ANK2: variants seen among roughly 807,000 people sequenced by gnomAD.
ANK2 encodes the protein ankyrin 2, also known as ankyrin-2.
A neutral mutation model predicts 360.5 loss-of-function variants in ANK2; 83 were observed. The ratio of observed to expected loss-of-function variants is 0.23; its 90% CI spans 0.19 to 0.28. The LOEUF (loss-of-function observed/expected upper bound fraction) is 0.28. Among genes scored for constraint, ANK2 ranks in the 10% least tolerant of loss-of-function variants. The probability of loss-of-function intolerance (pLI) is 1.00; values close to 1 mark genes in which losing one functional copy is unlikely to be tolerated. For synonymous variants in ANK2, 1,740 were observed against 1,759.5 expected (o/e 0.99, Z 0.28); for missense variants, 4,201 against 4,795.7 (o/e 0.88, Z 3.66).
At chr4:113,338,488 A>G (rs1188109224) in intron 31 of ANK2, among the ~76,000 whole-genome samples, 2 of 152,018 alleles carry the variant, frequency 1.3e-5, no homozygotes, top group Non-Finnish European at 2.9e-5. Context: ...AACTTTTTTG[A>G]AAACAATTTC....
intron 45 of ANK2, 75 bp from the exon 46 acceptor site, chr4:113,381,382 T>C: frequency 6.6e-7 from 1 of 1,519,318 alleles, no homozygotes; most frequent in Non-Finnish European, 9.1e-7. Flanking sequence ...CTCAGTGTAA[T>C]GGTCACCTTC....
chr4:113,061,160 C>A (rs1197928089), intron 1 of ANK2, among the ~76,000 whole-genome samples: 1 of 152,004 alleles, frequency 6.6e-6, no homozygotes, highest in Non-Finnish European at 1.5e-5. Context: ...CCATCTGGAA[C>A]CTTGGTACCT....
rs900360100 is a variant in ANK2, at chr4:113,265,174, C to T, written c.1485+179C>T. ...ACATTATTTAAGCAATTACACACGA[C>T]GAAAAATGCACCCAAATTTCAGAAA... On this transcript the variant is annotated intron_variant, in intron 14 of 45. Coordinates refer to ENST00000357077, the MANE Select transcript of ANK2 (RefSeq NM_001148.6). 9.9e-5 allele frequency among the ~76,000 whole-genome samples: 15 copies of T among 151,928 alleles called. 1 individual carries two copies. In the South Asian group the frequency reaches 1.0e-3, roughly 11 times the overall value.
chr4:112,790,484 C>CTT, the ANK2 span, among the ~76,000 whole-genome samples: 16 of 113,722 alleles, frequency 1.4e-4, no homozygotes, highest in Non-Finnish European at 2.3e-4. Flanking sequence ...CTTTTCTTTT[C>CTT]TTTTTTTTTT....
At chr4:113,304,452 T>C (rs971982017) in intron 23 of ANK2, among the ~76,000 whole-genome samples, 1 of 152,218 alleles carries the variant, frequency 6.6e-6, no homozygotes, top group South Asian at 2.1e-4. Flanking sequence ...TGGATTTTAT[T>C]AACTTAGAAG....
intron 31 of ANK2, among the ~76,000 whole-genome samples, chr4:113,337,610 T>C (rs1293041597): frequency 6.6e-6 from 1 of 152,210 alleles, no homozygotes; most frequent in Non-Finnish European, 1.5e-5. Context: ...AATTATTATT[T>C]TCATTTCTCT....
At chr4:112,834,185 A>G (rs1579312929) in intron 1 of ANK2, among the ~76,000 whole-genome samples, 1 of 152,242 alleles carries the variant, frequency 6.6e-6, no homozygotes, top group South Asian at 2.1e-4. Context: ...CAATGCATAT[A>G]TCAATATTTT....
chr4:112,890,069 A>G (rs1286304120), intron 1 of ANK2, among the ~76,000 whole-genome samples: 1 of 152,224 alleles, frequency 6.6e-6, no homozygotes, highest in Non-Finnish European at 1.5e-5. Flanking sequence ...GTAAACAATT[A>G]AACAGGCTTA....
chr4:113,216,013 T>C (rs2099081392), intron 4 of ANK2, among the ~76,000 whole-genome samples: 1 of 152,156 alleles, frequency 6.6e-6, no homozygotes, highest in African/African-American at 2.4e-5. Context: ...ATTATCTGCT[T>C]AGAAAGAGCC....
At chr4:112,751,393 TA>T in the ANK2 span, among the ~76,000 whole-genome samples, 1 of 152,198 alleles carries the variant, frequency 6.6e-6, no homozygotes, top group Non-Finnish European at 1.5e-5. Context: ...AGCCATTAAC[TA>T]GCTAAAGGAC....
chr4:113,169,336 T>C (rs896376761), intron 1 of ANK2, among the ~76,000 whole-genome samples: 4 of 152,196 alleles, frequency 2.6e-5, no homozygotes, highest in Admixed American at 1.3e-4. Flanking sequence ...ACCTAAAAAA[T>C]TGTAAAAATG....
intron 1 of ANK2, among the ~76,000 whole-genome samples, chr4:112,860,429 G>T (rs766136512): frequency 2.6e-5 from 4 of 152,028 alleles, no homozygotes; most frequent in African/African-American, 9.7e-5. Context: ...GTTTCACCAT[G>T]TTGGTCAGGC....
Position 113,282,890 on chromosome 4 carries a change from G to C in ANK2, c.2079+18G>C. 6.2e-7 allele frequency: 1 copy of C among 1,613,218 alleles called. No homozygotes were observed. The highest frequency in any genetic ancestry group is 8.5e-7 in the Non-Finnish European group (1 of 1,179,354). On this transcript the variant is annotated intron_variant, in intron 18 of 45. Transcript: ENST00000357077. ...CAACTAAGGTATTCTGTCCTTTCTT[G>C]CATCAATCAAGAGTGTTTTGGATGC...
chr4:113,172,586 T>TA (rs1231133990), intron 1 of ANK2, among the ~76,000 whole-genome samples: 1 of 152,178 alleles, frequency 6.6e-6, no homozygotes, highest in Non-Finnish European at 1.5e-5. Context: ...CCTGACCCAC[T>TA]AAACCCTCAG....
Position 113,254,671 on chromosome 4 carries a change from T to A in ANK2, c.991-1064T>A, listed in dbSNP as rs141415138. Among the ~76,000 whole-genome samples the A allele has an allele frequency of 4.2e-3, 633 of 152,384 alleles. 6 individuals are homozygous for A. The highest frequency in any genetic ancestry group is 0.014 in the African/African-American group (594 of 41,588). ...ATATGAATAATTTATAAGTCACATA[T>A]ACTCTACCACAATTAAGAATTAATG... is the stretch of plus-strand genomic sequence containing the variant. On this transcript the variant is annotated intron_variant, in intron 10 of 45. Transcript: ENST00000357077.
chr4:112,747,616 A>G, the ANK2 span, among the ~76,000 whole-genome samples: 10 of 152,216 alleles, frequency 6.6e-5, no homozygotes, highest in African/African-American at 2.4e-4. Context: ...TGAAAGTTAA[A>G]TATTAAGTTC....
rs2066075615 is a variant in ANK2, at chr4:113,049,764, T to C, written c.36T>C (p.Ser12=). 1 of 1,613,506 alleles carries C rather than the reference T, an allele frequency of 6.2e-7. No homozygotes were observed. Among genetic ancestry groups the C allele is most frequent in the African/African-American group, 1.3e-5 (1 of 74,776 alleles). Reference sequence around the variant, plus strand: ...AAGATGCAGCTCAGAAAAGCGACAGTGGAGAGAAGTTCAACGGCAGTAGTC... The same window carrying C: ...AAGATGCAGCTCAGAAAAGCGACAGCGGAGAGAAGTTCAACGGCAGTAGTC... The part of the protein sequence containing the change: ...MNEDAAQKSD[S]GEKFNGSSQR... Residue 12 remains serine (S), a synonymous_variant, in exon 1 of 46, where the codon AGT becomes AGC. Transcript: ENST00000357077.
chr4:113,023,843 A>AT (rs139917871), intron 2 of ANK2, among the ~76,000 whole-genome samples: 5,586 of 152,214 alleles, frequency 0.037, 356 homozygotes, highest in African/African-American at 0.12. Flanking sequence ...CGAGAAGATA[A>AT]TTTTTTTGAT....
chr4:113,226,886 G>A (rs2099230420), intron 4 of ANK2, among the ~76,000 whole-genome samples: 1 of 152,122 alleles, frequency 6.6e-6, no homozygotes, highest in African/African-American at 2.4e-5. Flanking sequence ...GTATCAGCCT[G>A]GGCTGTGGAT....
Sources: gnomAD v4.1 joint callset for allele counts (sites outside exome capture counted in the v4.1 genomes callset) on GRCh38, gnomAD v4.1.1 for gene constraint, MANE v1.5 for transcripts, NCBI Gene and HGNC (gene_info 2026-07-23, HGNC 2026-07-21) for gene names.